Variants in NTRK3 observed in about 807,000 individuals in gnomAD.
The protein encoded by NTRK3 is NT-3 growth factor receptor.
A neutral mutation model predicts 91.7 loss-of-function variants in NTRK3; 24 were observed. The ratio of observed to expected loss-of-function variants is 0.26; its 90% confidence interval spans 0.19 to 0.37. NTRK3 has a LOEUF of 0.37. NTRK3 is among the 10% of genes least tolerant of loss of function. The probability of loss-of-function intolerance (pLI) is 1.00; values close to 1 mark genes in which losing one functional copy is unlikely to be tolerated. For synonymous variants in NTRK3, 483 were observed against 404.0 expected, an observed-to-expected ratio of 1.20 and a Z score of -2.34; for missense variants, 880 against 1,068.9, an observed-to-expected ratio of 0.82 and a Z score of 2.46.
At chr15:87,902,215 C>A (rs1202092405) in intron 17 of NTRK3, among the ~76,000 whole-genome samples, 1 of 152,218 alleles carries the variant, frequency 6.6e-6, no homozygotes, top group African/African-American at 2.4e-5. Context: ...CAGTCATGGA[C>A]TTTGCTTCCT....
At chr15:87,990,168 C>T (rs1440314953) in intron 14 of NTRK3, among the ~76,000 whole-genome samples, 2 of 152,146 alleles carry the variant, frequency 1.3e-5, no homozygotes, top group African/African-American at 4.8e-5. Flanking sequence ...AGTTCATGGT[C>T]TCAAAGCTAC....
chr15:88,206,975 C>A (rs1346917451), intron 3 of NTRK3, among the ~76,000 whole-genome samples: 1 of 152,220 alleles, frequency 6.6e-6, no homozygotes, highest in African/African-American at 2.4e-5. Context: ...CAGGCCCAGG[C>A]TTGGTCAGCG....
chr15:88,173,887 G>C (rs965159778), intron 5 of NTRK3, among the ~76,000 whole-genome samples: 1 of 152,258 alleles, frequency 6.6e-6, no homozygotes, highest in Admixed American at 6.5e-5. Context: ...CCTTAGGCAA[G>C]TCACTCAACC....
chr15:88,033,829 G>T (rs1365568389), intron 13 of NTRK3, among the ~76,000 whole-genome samples: 1 of 152,076 alleles, frequency 6.6e-6, no homozygotes, highest in Non-Finnish European at 1.5e-5. Flanking sequence ...TTTTAAATAC[G>T]TTTATTTTCT....
exon 19 of NTRK3, chr15:87,867,251 A>G (rs1479084219): frequency 4.4e-6 from 1 of 225,880 alleles, no homozygotes; most frequent in Non-Finnish European, 8.8e-6. Flanking sequence ...CCTAGGCTAA[A>G]TCCCAAGCTT....
At chr15:88,148,084 A>G (rs562232198) in intron 5 of NTRK3, among the ~76,000 whole-genome samples, 1 of 152,364 alleles carries the variant, frequency 6.6e-6, no homozygotes, top group African/African-American at 2.4e-5. Context: ...CTAGAATTGA[A>G]GTGGCATCCC....
At chr15:87,916,699 T>C in intron 17 of NTRK3, 1 of 647,156 alleles carries the variant, frequency 1.5e-6, no homozygotes, top group East Asian at 2.7e-5. Context: ...TTTATTCCAC[T>C]GGTTTCCCAC....
chr15:88,002,825 G>A (rs186810937), intron 14 of NTRK3, among the ~76,000 whole-genome samples: 1 of 151,736 alleles, frequency 6.6e-6, no homozygotes, highest in Non-Finnish European at 1.5e-5. Context: ...TCACAACTAC[G>A]GCCTATTGAA....
chr15:88,104,280 A>T (rs1233626108), intron 13 of NTRK3, among the ~76,000 whole-genome samples: 2 of 152,210 alleles, frequency 1.3e-5, no homozygotes, highest in Non-Finnish European at 2.9e-5. Context: ...TCCAGTTTGG[A>T]CACGGGTAGA....
chr15:87,862,767 G>A (rs2064560982), exon 19 of NTRK3: 1 of 229,612 alleles, frequency 4.4e-6, no homozygotes, highest in East Asian at 6.2e-5. Flanking sequence ...CATTCTTATT[G>A]TGATTGTTTA....
intron 13 of NTRK3, among the ~76,000 whole-genome samples, chr15:88,102,980 T>G (rs1285786012): frequency 1.3e-5 from 2 of 152,210 alleles, no homozygotes; most frequent in African/African-American, 2.4e-5. Context: ...TAATAGAAAG[T>G]ACCTACTGGG....
chr15:87,940,735 C>T (rs2142019853), exon 15 of NTRK3: 1 of 1,614,166 alleles, frequency 6.2e-7, no homozygotes, highest in Non-Finnish European at 8.5e-7. Flanking sequence ...GATGTCTCTC[C>T]TCTTAATGTG....
chr15:87,877,246 C>T, intron 18 of NTRK3, 126 bp from the exon 20 acceptor site: 1 of 965,306 alleles, frequency 1.0e-6, no homozygotes, highest in Non-Finnish European at 1.6e-6. Flanking sequence ...CTCACAAGCA[C>T]AAGCTAAAGG....
chr15:88,095,555 T>C (rs1316664048), intron 13 of NTRK3, among the ~76,000 whole-genome samples: 1 of 152,118 alleles, frequency 6.6e-6, no homozygotes, highest in Non-Finnish European at 1.5e-5. Context: ...CTTGCTATCC[T>C]CCACAATTAA....
chr15:88,051,959 G>C (rs2080869233), intron 13 of NTRK3, among the ~76,000 whole-genome samples: 1 of 152,198 alleles, frequency 6.6e-6, no homozygotes, highest in Admixed American at 6.5e-5. Flanking sequence ...TAAGGAATGA[G>C]CTTTATTAGA....
intron 13 of NTRK3, among the ~76,000 whole-genome samples, chr15:88,056,392 A>G (rs368345405): frequency 6.6e-6 from 1 of 151,862 alleles, no homozygotes; most frequent in South Asian, 2.1e-4. Context: ...AAATTTCTCT[A>G]TTTTTTTGTT....
At chr15:87,865,884 A>G (rs2064660013) in exon 19 of NTRK3, 1 of 229,398 alleles carries the variant, frequency 4.4e-6, no homozygotes, top group Non-Finnish European at 8.6e-6. Flanking sequence ...AAAGCAAAAA[A>G]TGCTAATGGC....
chr15:88,050,676 C>A (rs1375939220), intron 13 of NTRK3, among the ~76,000 whole-genome samples: 1 of 152,098 alleles, frequency 6.6e-6, no homozygotes. Context: ...TGAGTATATA[C>A]CATAGCCAAA....
At chr15:88,217,879 C>G (rs1389908848) in intron 3 of NTRK3, among the ~76,000 whole-genome samples, 1 of 151,978 alleles carries the variant, frequency 6.6e-6, no homozygotes, top group Non-Finnish European at 1.5e-5. Context: ...CTGCCTCAGC[C>G]TCCCGAGTAG....
Sources: allele counts gnomAD v4.1 joint callset (sites outside exome capture counted in the v4.1 genomes callset), GRCh38; gene constraint gnomAD v4.1.1; transcripts MANE v1.5; gene names NCBI Gene and HGNC (gene_info 2026-07-23, HGNC 2026-07-21).